The following DMD variants were observed in gnomAD, a reference collection of about 807,000 sequenced individuals.
DMD encodes the protein dystrophin.
Under a neutral mutation model 330.1 loss-of-function variants are expected in DMD, and 63 were observed. The ratio of observed to expected loss-of-function variants is 0.19; its 90% CI spans 0.16 to 0.24. The LOEUF (loss-of-function observed/expected upper bound fraction) is 0.24. Among genes scored for constraint, DMD ranks in the 10% least tolerant of loss-of-function variants. The pLI, the probability that DMD is intolerant of heterozygous loss-of-function variation, is 1.00. For missense variants in DMD, 3,344 were observed against 2,684.1 expected (o/e 1.25, Z -5.43); for synonymous variants, 1,223 against 959.8 (o/e 1.27, Z -5.07).
intron 60 of DMD, among the ~76,000 whole-genome samples, chrX:31,355,597 C>T (rs2148541120): frequency 9.0e-6 from 1 of 111,692 alleles, no homozygotes; most frequent in African/African-American, 3.3e-5. Context: ...AATGACTCTC[C>T]AGTCTATTCA....
intron 7 of DMD, among the ~76,000 whole-genome samples, chrX:32,765,854 A>T (rs1459889440): frequency 8.9e-6 from 1 of 111,779 alleles, no homozygotes; most frequent in East Asian, 2.8e-4. Flanking sequence ...GGCCACGTTT[A>T]CTTCCTGATC....
At chrX:32,607,001 TA>T (rs1389670206) in intron 12 of DMD, among the ~76,000 whole-genome samples, 1 of 109,295 alleles carries the variant, frequency 9.1e-6, no homozygotes, top group African/African-American at 3.3e-5. Context: ...TATAGGCTGG[TA>T]GGGGGGTGAG....
chrX:33,281,611 T>C (rs2148921969), intron 1 of DMD, among the ~76,000 whole-genome samples: 1 of 111,344 alleles, frequency 9.0e-6, no homozygotes, highest in South Asian at 3.8e-4. Flanking sequence ...GTTTGTTTGT[T>C]TTGGTTCTCA....
chrX:32,660,757 A>G (rs2060892932), intron 9 of DMD, among the ~76,000 whole-genome samples: 2 of 111,671 alleles, frequency 1.8e-5, no homozygotes, highest in Admixed American at 9.5e-5. Flanking sequence ...GCATTTATGT[A>G]ACACTTGACC....
At chrX:32,058,019 T>C (rs2096192381) in intron 44 of DMD, among the ~76,000 whole-genome samples, 2 of 111,252 alleles carry the variant, frequency 1.8e-5, no homozygotes, top group African/African-American at 6.5e-5. Context: ...AAACTGGATA[T>C]ACACATTGCA....
At chrX:33,167,678 A>G (rs1407514234) in intron 1 of DMD, among the ~76,000 whole-genome samples, 1 of 110,880 alleles carries the variant, frequency 9.0e-6, no homozygotes, top group Admixed American at 9.7e-5. Context: ...TGACTTAATT[A>G]TTATACTTAT....
intron 7 of DMD, among the ~76,000 whole-genome samples, chrX:32,761,417 T>G (rs769294219): frequency 8.9e-6 from 1 of 112,138 alleles, no homozygotes; most frequent in South Asian, 3.7e-4. Flanking sequence ...TCATTACTAT[T>G]TTCACAGCTT....
chrX:32,688,628 T>C (rs1335003988), intron 9 of DMD, among the ~76,000 whole-genome samples: 1 of 111,351 alleles, frequency 9.0e-6, no homozygotes, highest in Non-Finnish European at 1.9e-5. Context: ...AGCCACCCCA[T>C]GGAAAGTTGA....
At chrX:33,247,632 A>G (rs1318117431) in intron 1 of DMD, among the ~76,000 whole-genome samples, 1 of 111,843 alleles carries the variant, frequency 8.9e-6, no homozygotes, top group Non-Finnish European at 1.9e-5. Context: ...AAAATTTCTC[A>G]TAGACTCTAA....
chrX:31,258,949 G>GAA (rs35839843), intron 63 of DMD, among the ~76,000 whole-genome samples: 58 of 100,185 alleles, frequency 5.8e-4, no homozygotes, highest in East Asian at 1.6e-3. Flanking sequence ...CTTTCCAGTG[G>GAA]AAAAAAAAAA....
rs59787771 is a variant in DMD at position 31,449,763 on chromosome X, G to GATATATAT, written c.8938-5144_8938-5137dup. On this transcript the variant is annotated intron_variant, in intron 59 of 78. Coordinates refer to ENST00000357033, the MANE Select transcript of DMD (RefSeq NM_004006.3). ...TTATGAGTTTATTTATAAATGGTGT[G>GATATATAT]ATATATATATATATATATATATATA... Among the ~76,000 whole-genome samples, 463 of 62,385 alleles carry GATATATAT rather than the reference G, an allele frequency of 7.4e-3. 2 individuals carry two copies. The highest frequency in any genetic ancestry group is 0.012 in the Non-Finnish European group (374 of 32,022). The allele number at this position is 62,385 out of a possible 115,157, so 54.2% of individuals were successfully genotyped here.
At chrX:32,091,404 A>C (rs1478884874) in intron 44 of DMD, among the ~76,000 whole-genome samples, 1 of 112,127 alleles carries the variant, frequency 8.9e-6, no homozygotes, top group Non-Finnish European at 1.9e-5. Flanking sequence ...TTGAGTAAAT[A>C]TTGTAGCTAA....
chrX:32,272,634 T>A (rs2097369588), intron 43 of DMD, among the ~76,000 whole-genome samples: 1 of 111,776 alleles, frequency 8.9e-6, no homozygotes, highest in Admixed American at 9.5e-5. Flanking sequence ...TGGCACATAC[T>A]TCATGTGTGA....
chrX:32,293,909 T>A (rs769244343), intron 42 of DMD, among the ~76,000 whole-genome samples: 6 of 111,845 alleles, frequency 5.4e-5, no homozygotes, highest in Non-Finnish European at 9.4e-5. Context: ...AACTCAAGCG[T>A]ATCTCTAGTA....
chrX:32,687,308 G>A, intron 9 of DMD, among the ~76,000 whole-genome samples: 1 of 111,904 alleles, frequency 8.9e-6, no homozygotes, highest in East Asian at 2.8e-4. Context: ...GAAGAATCTT[G>A]TAAGTTCTGA....
chrX:31,120,571 C>G lies in DMD; in HGVS notation c.*1348G>C, dbSNP rs1210688741. 8.9e-6 allele frequency: 1 copy of G among 111,855 alleles called. No individual in the cohort carries two copies. The highest frequency in any genetic ancestry group is 2.8e-4 in the East Asian group (1 of 3,572). The allele number at this position is 111,855 out of a possible 1,213,427, so 9.2% of individuals were successfully genotyped here. A position where few individuals can be genotyped will look rare whatever the true frequency, so the allele number is the denominator to read the frequency against. On this transcript the variant is annotated 3_prime_UTR_variant, in exon 79 of 79. Transcript: ENST00000357033. Reference sequence around the variant, plus strand: ...AATAAATCTAAAAAAGCAACAAAAACCAAACCACCCAGTTCCTTTTGACTG... The same window carrying G: ...AATAAATCTAAAAAAGCAACAAAAAGCAAACCACCCAGTTCCTTTTGACTG...
At chrX:32,317,589 T>C (rs752624216) in intron 41 of DMD, among the ~76,000 whole-genome samples, 2 of 111,576 alleles carry the variant, frequency 1.8e-5, no homozygotes, top group East Asian at 5.7e-4. Flanking sequence ...TTAAACAAAA[T>C]GTTTTCCTCC....
intron 44 of DMD, among the ~76,000 whole-genome samples, chrX:32,056,259 A>C (rs188598278): frequency 1.8e-5 from 2 of 109,919 alleles, no homozygotes; most frequent in East Asian, 5.7e-4. Context: ...AAGTTAGCAG[A>C]GGGAAGGAAA....
chrX:33,248,227 T>C (rs940557583), intron 1 of DMD, among the ~76,000 whole-genome samples: 3 of 110,574 alleles, frequency 2.7e-5, no homozygotes, highest in East Asian at 2.9e-4. Context: ...ATTTTTAGTA[T>C]AGACGTGGTT....
Sources: gnomAD v4.1 joint callset for allele counts (sites outside exome capture counted in the v4.1 genomes callset) on GRCh38, gnomAD v4.1.1 for gene constraint, MANE v1.5 for transcripts, NCBI Gene and HGNC (gene_info 2026-07-23, HGNC 2026-07-21) for gene names.